ZNF487: variants seen among roughly 807,000 people sequenced by gnomAD.
The protein encoded by ZNF487 is zinc finger protein 487.
In ZNF487, 4 loss-of-function variants were observed where a neutral mutation model predicts 3.0. The observed-to-expected ratio is 1.35, with a 90% confidence interval of 0.66 to 3.08. ZNF487 has a LOEUF of 3.08. Ranked by LOEUF, ZNF487 falls within the 30% of genes most tolerant of loss-of-function variation. The pLI, the probability that ZNF487 is intolerant of heterozygous loss-of-function variation, is 0.01. For synonymous variants in ZNF487, 55 were observed against 34.6 expected (o/e 1.59, Z -2.06); for missense variants, 146 against 98.7 (o/e 1.48, Z -2.03).
At position 43,440,052 on chromosome 10, in the gene ZNF487, A is replaced by ATGTTTTT. The variant is rs147487158; in HGVS notation, c.-94+2791_-94+2792insGTTTTTT. ...GGTAAGTTTTGTTTTATATATATAT[A>ATGTTTTT]TATTTTTTTTTTTGAGGCGAAGTTT... On this transcript the variant is annotated intron_variant, in intron 1 of 3. Transcript: ENST00000437590. 9.6e-5 allele frequency among the ~76,000 whole-genome samples: 14 copies of ATGTTTTT among 146,030 alleles called. 4 individuals are homozygous for ATGTTTTT. Among genetic ancestry groups the ATGTTTTT allele is most frequent in the East Asian group, 2.0e-4 (1 of 4,944 alleles).
intron 1 of ZNF487, among the ~76,000 whole-genome samples, chr10:43,469,009 A>G (rs866470031): frequency 1.4e-4 from 21 of 150,808 alleles, no homozygotes; most frequent in South Asian, 1.0e-3. Flanking sequence ...AAAAAAAAAA[A>G]AAAAAGAAAA....
intron 1 of ZNF487, among the ~76,000 whole-genome samples, chr10:43,465,935 C>T (rs889300974): frequency 3.3e-5 from 5 of 152,204 alleles, no homozygotes; most frequent in South Asian, 2.1e-4. Context: ...TCTGCAATCC[C>T]GGCACCTCGG....
At chr10:43,444,540 C>G (rs1839732945) in intron 1 of ZNF487, among the ~76,000 whole-genome samples, 2 of 151,964 alleles carry the variant, frequency 1.3e-5, no homozygotes, top group Admixed American at 6.6e-5. Context: ...CATTGAGCTT[C>G]TTGGAATTAT....
At chr10:43,507,134 G>T in the ZNF487 span, among the ~76,000 whole-genome samples, 3 of 152,112 alleles carry the variant, frequency 2.0e-5, no homozygotes, top group Admixed American at 2.0e-4. Context: ...TGGTTTATGA[G>T]GCTCCCTCCT....
rs917043434 is a variant in ZNF487, at chr10:43,481,810, A to G, written c.512A>G (p.Gln171Arg). ...VSQNEDLFRH[Q>R]YIQTLKQCFE... ...CAGAATGAGGACTTATTTAGGCATC[A>G]GTATATTCAAACTCTTAAGCAGTGT... Residue 171 changes from glutamine to arginine, a missense_variant, in exon 4 of 4, where the codon CAG becomes CGG. Physicochemically the swap from Gln to Arg is conservative, Grantham distance 43 (BLOSUM62 1). Coordinates refer to ENST00000437590, the MANE Select transcript of ZNF487 (RefSeq NM_001355444.3). 6.2e-5 allele frequency: 44 copies of G among 706,104 alleles called. No individual in the cohort carries two copies. The highest frequency in any genetic ancestry group is 9.4e-5 in the Non-Finnish European group (36 of 385,022). 43.7% of individuals were successfully genotyped at this position (706,104 alleles called of 1,614,324 possible).
In ZNF487 at chr10:43,474,361, G is replaced by A. The variant is rs1021328696; in HGVS notation, c.-93-1360G>A. Among the ~76,000 whole-genome samples the A allele has an allele frequency of 3.3e-5, 5 of 151,714 alleles. No homozygotes were observed. The South Asian group carries it at 6.3e-4, about 19-fold the overall frequency. ...CCCAGCTACTCAGGAGGCTGAAGCA[G>A]GAGAATTGCTTGAACCTGGGAGGTG... On this transcript the variant is annotated intron_variant, in intron 1 of 3. Transcript: ENST00000437590.
At chr10:43,501,414 A>C in the ZNF487 span, among the ~76,000 whole-genome samples, 1 of 152,270 alleles carries the variant, frequency 6.6e-6, no homozygotes, top group East Asian at 1.9e-4. Context: ...TATTAATTTT[A>C]GTTTACTGTA....
At chr10:43,452,041 C>T (rs1323413757) in intron 1 of ZNF487, 1 of 152,254 alleles carries the variant, frequency 6.6e-6, no homozygotes, top group African/African-American at 2.4e-5. Flanking sequence ...AGGAAATGCT[C>T]AATTCGAGTT....
At chr10:43,494,658 A>G in the ZNF487 span, among the ~76,000 whole-genome samples, 1 of 150,264 alleles carries the variant, frequency 6.7e-6, no homozygotes, top group African/African-American at 2.4e-5. Flanking sequence ...GAAAATCAGT[A>G]CACTTGAGGC....
At chr10:43,489,174 G>A in the ZNF487 span, among the ~76,000 whole-genome samples, 1 of 151,882 alleles carries the variant, frequency 6.6e-6, no homozygotes, top group South Asian at 2.1e-4. Context: ...CTTGAATACA[G>A]AATTATATGA....
intron 1 of ZNF487, among the ~76,000 whole-genome samples, chr10:43,445,370 T>A (rs1839760261): frequency 6.6e-6 from 1 of 152,338 alleles, no homozygotes; most frequent in Middle Eastern, 3.4e-3. Context: ...CTTGCCTGTT[T>A]GCATGCCTGG....
chr10:43,516,623 C>A, the ZNF487 span, among the ~76,000 whole-genome samples: 2 of 152,158 alleles, frequency 1.3e-5, no homozygotes, highest in African/African-American at 4.8e-5. Context: ...TGTTTGAGGG[C>A]AGGAAGCATC....
intron 1 of ZNF487, among the ~76,000 whole-genome samples, chr10:43,449,886 G>C (rs1176672434): frequency 6.6e-6 from 1 of 152,036 alleles, no homozygotes; most frequent in East Asian, 1.9e-4. Context: ...CCCCATGTTG[G>C]CCAGGCTGGT....
chr10:43,494,918 C>CAGAGTG, the ZNF487 span, among the ~76,000 whole-genome samples: 1 of 131,776 alleles, frequency 7.6e-6, no homozygotes, highest in Admixed American at 8.7e-5. Flanking sequence ...GCCTGGGCAG[C>CAGAGTG]AGAGTGAGAC....
chr10:43,461,763 G>C (rs574571480), intron 1 of ZNF487, among the ~76,000 whole-genome samples: 30 of 152,124 alleles, frequency 2.0e-4, no homozygotes, highest in African/African-American at 7.2e-4. Flanking sequence ...TTTTTCTAGG[G>C]TCTGGCTTTT....
chr10:43,467,494 C>T (rs747802773), intron 1 of ZNF487, among the ~76,000 whole-genome samples: 4 of 152,050 alleles, frequency 2.6e-5, no homozygotes, highest in Admixed American at 6.6e-5. Flanking sequence ...TGAGCCACTG[C>T]GCCCGACCTT....
chr10:43,461,435 TC>T (rs762054486), intron 1 of ZNF487, among the ~76,000 whole-genome samples: 1 of 152,068 alleles, frequency 6.6e-6, no homozygotes, highest in East Asian at 1.9e-4. Flanking sequence ...TCTTCTGATC[TC>T]AGCCTCCTGA....
At chr10:43,460,106 A>G (rs1475225259) in intron 1 of ZNF487, among the ~76,000 whole-genome samples, 2 of 151,408 alleles carry the variant, frequency 1.3e-5, no homozygotes, top group African/African-American at 2.4e-5. Flanking sequence ...CCGGCCGTTG[A>G]ATTATTATTA....
At chr10:43,454,973 C>G (rs576725802) in intron 1 of ZNF487, among the ~76,000 whole-genome samples, 2 of 140,366 alleles carry the variant, frequency 1.4e-5, no homozygotes, top group African/African-American at 5.2e-5. Context: ...TTAAGGGATA[C>G]GAGGCTGTGT....
Sources: allele counts gnomAD v4.1 joint callset (sites outside exome capture counted in the v4.1 genomes callset), GRCh38; gene constraint gnomAD v4.1.1; transcripts MANE v1.5; gene names NCBI Gene and HGNC (gene_info 2026-07-23, HGNC 2026-07-21).